RRM1: variants seen among roughly 807,000 people sequenced by gnomAD.
RRM1 encodes the protein ribonucleoside-diphosphate reductase large subunit.
Under a neutral mutation model 101.5 loss-of-function variants are expected in RRM1, and 19 were observed. That is an observed-to-expected ratio of 0.19 (90% CI 0.13 to 0.27). RRM1 has a LOEUF of 0.27. Ranked by LOEUF, RRM1 falls within the 10% of genes least tolerant of loss-of-function variation. RRM1 has a pLI of 1.00. For missense variants in RRM1, 500 were observed against 962.9 expected, an observed-to-expected ratio of 0.52 and a Z score of 6.36; for synonymous variants, 298 against 323.4, an observed-to-expected ratio of 0.92 and a Z score of 0.84.
At chr11:4,103,660 G>T (rs190752483) in intron 2 of RRM1, among the ~76,000 whole-genome samples, 1 of 152,236 alleles carries the variant, frequency 6.6e-6, no homozygotes, top group East Asian at 1.9e-4. Context: ...GGGCAACATG[G>T]TGAAACTGCC....
intron 7 of RRM1, among the ~76,000 whole-genome samples, chr11:4,113,636 GCAAACATTATA>G (rs2094568496): frequency 6.6e-6 from 1 of 152,200 alleles, no homozygotes; most frequent in African/African-American, 2.4e-5. Context: ...ATTTCCTTGT[GCAAACATTATA>G]CAGTATACTT....
intron 2 of RRM1, chr11:4,105,808 T>C: frequency 2.1e-6 from 1 of 473,986 alleles, no homozygotes; most frequent in Non-Finnish European, 3.8e-6. Context: ...CAAGCCATTC[T>C]CCCACATTGG....
chr11:4,095,089 C>A lies in RRM1; in HGVS notation c.19+58C>A, dbSNP rs535122599. 1.2e-5 allele frequency: 18 copies of A among 1,539,950 alleles called. No individual in the cohort carries two copies. In the East Asian group the frequency reaches 4.4e-4, roughly 38 times the overall value. Reference sequence around the variant, plus strand: ...GTGAGGGGATGCGGGCTGCCGCCGCCGGAGCTGATGCCCAGACCGCCCGCC... The same window carrying A: ...GTGAGGGGATGCGGGCTGCCGCCGCAGGAGCTGATGCCCAGACCGCCCGCC... On this transcript the variant is annotated intron_variant, in intron 1 of 18. Coordinates refer to ENST00000300738, the MANE Select transcript of RRM1 (RefSeq NM_001033.5).
At chr11:4,098,190 C>G (rs191238435) in intron 1 of RRM1, among the ~76,000 whole-genome samples, 5 of 152,302 alleles carry the variant, frequency 3.3e-5, no homozygotes, top group Admixed American at 1.3e-4. Flanking sequence ...TAAAATGATA[C>G]AAAAGTTTAC....
At position 4,132,770 on chromosome 11, in the gene RRM1, G is replaced by A. The variant is rs577737450; in HGVS notation, c.1905+349G>A. 2.6e-5 allele frequency among the ~76,000 whole-genome samples: 4 copies of A among 152,254 alleles called. No homozygotes were observed. The highest frequency in any genetic ancestry group is 9.6e-5 in the African/African-American group (4 of 41,556). On this transcript the variant is annotated intron_variant, in intron 16 of 18. Coordinates refer to ENST00000300738, the MANE Select transcript of RRM1 (RefSeq NM_001033.5). This position sits in a 1 kb window ranked among gnomAD's most constrained non-coding sequence, Gnocchi z 4.1. The stretch of plus-strand genomic sequence containing the variant: ...AATGTATAAAGAAGTATCATTTAAG[G>A]CAGTGGTTCTCAGACTTGGTTACCA...
intron 15 of RRM1, among the ~76,000 whole-genome samples, chr11:4,131,744 A>G (rs2094600888): frequency 1.3e-5 from 2 of 152,340 alleles, no homozygotes; most frequent in South Asian, 4.1e-4. Context: ...TAATTGAAGA[A>G]TATACTTTGA....
In RRM1 at chr11:4,119,838, C is replaced by G. The variant is rs1462250403; in HGVS notation, c.793-7C>G. On this transcript the variant is annotated splice_polypyrimidine_tract_variant and splice_region_variant and intron_variant, in intron 8 of 18. Transcript: ENST00000300738. ...CTCTGTCATTTCTATCATGGTCTCT[C>G]TTTTAGACTAATGGCAATTCCAATG... 6.4e-7 allele frequency: 1 copy of G among 1,573,584 alleles called. No individual in the cohort carries two copies. Among genetic ancestry groups the G allele is most frequent in the African/African-American group, 1.3e-5 (1 of 74,280 alleles).
At chr11:4,115,486 A>G (rs944570370) in intron 7 of RRM1, among the ~76,000 whole-genome samples, 6 of 151,858 alleles carry the variant, frequency 4.0e-5, no homozygotes, top group Non-Finnish European at 7.4e-5. Flanking sequence ...TTCTCCCTCA[A>G]AACCTCTGGA....
At position 4,132,634 on chromosome 11, in the gene RRM1, G is replaced by T. The variant is rs1476080143; in HGVS notation, c.1905+213G>T. On this transcript the variant is annotated intron_variant, in intron 16 of 18. Transcript: ENST00000300738. This position sits in a 1 kb window ranked among gnomAD's most constrained non-coding sequence, Gnocchi z 4.1. Reference sequence around the variant, plus strand: ...ATCTGTTGAAAGAATGAGTGAATGAGGGTCGAGTATGAAAGTAAGTTGTTG... The same window carrying T: ...ATCTGTTGAAAGAATGAGTGAATGATGGTCGAGTATGAAAGTAAGTTGTTG... Among the ~76,000 whole-genome samples, 1 of 152,202 alleles carries T rather than the reference G, an allele frequency of 6.6e-6. No homozygotes were observed. Among genetic ancestry groups the T allele is most frequent in the Non-Finnish European group, 1.5e-5 (1 of 68,042 alleles).
intron 2 of RRM1, among the ~76,000 whole-genome samples, chr11:4,103,936 C>T (rs2094555064): frequency 8.4e-6 from 1 of 119,566 alleles, no homozygotes; most frequent in Non-Finnish European, 1.7e-5. Context: ...TGCCCTCAAC[C>T]CTGTTTCTAC....
At chr11:4,127,769 T>A (rs1240260468) in intron 14 of RRM1, among the ~76,000 whole-genome samples, 1 of 152,204 alleles carries the variant, frequency 6.6e-6, no homozygotes, top group African/African-American at 2.4e-5. Context: ...GATACTCTGT[T>A]TTAATCTCTT....
At chr11:4,118,582 C>T (rs1417870000) in intron 8 of RRM1, 121 bp downstream of exon 8, 3 of 943,834 alleles carry the variant, frequency 3.2e-6, no homozygotes, top group African/African-American at 1.6e-5. Flanking sequence ...TACTAAATGG[C>T]TATGTGACTT....
At position 4,138,366 on chromosome 11, in the gene RRM1, C is replaced by A. The variant is rs753197422; in HGVS notation, c.2362C>A (p.Leu788Met). 6.2e-7 allele frequency: 1 copy of A among 1,605,624 alleles called. No homozygotes were observed. The highest frequency in any genetic ancestry group is 8.5e-7 in the Non-Finnish European group (1 of 1,176,640). The change falls in exon 19 of 19, where the codon CTG (leucine) becomes ATG (methionine). Residue 788 changes from leucine (L) to methionine (M), a missense_variant. Transcript: ENST00000300738. ...VCSLENRDEC[L>M]MCGS ...CTCTTTGGAGAATAGAGATGAATGTCTGATGTGTGGATCCTGAGGAAAGAC... is the reference window on the plus strand; with the variant it reads ...CTCTTTGGAGAATAGAGATGAATGTATGATGTGTGGATCCTGAGGAAAGAC...
At chr11:4,124,159 C>T (rs147374001) in intron 12 of RRM1, among the ~76,000 whole-genome samples, 23 of 152,186 alleles carry the variant, frequency 1.5e-4, no homozygotes, top group Non-Finnish European at 3.1e-4. Flanking sequence ...TGACACGTCA[C>T]GGATAGGTAG....
intron 11 of RRM1, among the ~76,000 whole-genome samples, chr11:4,122,840 T>G (rs557623026): frequency 6.6e-6 from 1 of 150,436 alleles, no homozygotes; most frequent in East Asian, 1.9e-4. Context: ...GCCACTGCAC[T>G]CCAGCCTGGG....
chr11:4,123,279 G>T lies in RRM1; in HGVS notation c.1215G>T (p.Met405Ile). ...AGACGGAAACAGGCACCCCGTATAT[G>T]CTCTACAAAGATTCCTGTAATCGAA... Reference protein sequence around the residue: ...ESQTETGTPYMLYKDSCNRKS... With the variant: ...ESQTETGTPYILYKDSCNRKS... The change falls in exon 12 of 19, where the codon ATG becomes ATT. Residue 405 changes from methionine (M) to isoleucine (I), a missense_variant. Met to Ile is a conservative substitution (Grantham distance 10, BLOSUM62 1). Around this residue, in one of 9 missense-constraint regions of RRM1, gnomAD observed 80 missense variants for 170.9 expected, o/e 0.47. Transcript: ENST00000300738. The T allele has an allele frequency of 6.2e-7, 1 of 1,614,094 alleles. No homozygotes were observed. Among genetic ancestry groups the T allele is most frequent in the Non-Finnish European group, 8.5e-7 (1 of 1,180,010 alleles).
At position 4,108,514 on chromosome 11, in the gene RRM1, C is replaced by T. The variant is rs1226185503; in HGVS notation, c.387+979C>T. Among the ~76,000 whole-genome samples the T allele has an allele frequency of 2.9e-5, 4 of 140,168 alleles. No individual in the cohort carries two copies. The South Asian group carries it at 9.0e-4, about 32-fold the overall frequency. 92.0% of individuals were successfully genotyped at this position (140,168 alleles called of 152,430 possible). ...TCAGGAGGCTGAGGCTAGAGAATGG[C>T]GTGAACCCGGGAGGCGGAGCTTGCA... is the stretch of plus-strand genomic sequence containing the variant. On this transcript the variant is annotated intron_variant, in intron 4 of 18. Transcript: ENST00000300738.
intron 18 of RRM1, among the ~76,000 whole-genome samples, chr11:4,135,835 T>A (rs1448626901): frequency 1.3e-5 from 2 of 151,630 alleles, no homozygotes; most frequent in African/African-American, 4.9e-5. Flanking sequence ...GGTATTTAAG[T>A]AGAATTATAA....
At chr11:4,109,756 A>G in intron 5 of RRM1, 53 bp downstream of exon 5, 1 of 1,439,718 alleles carries the variant, frequency 6.9e-7, no homozygotes, top group Non-Finnish European at 9.6e-7. Flanking sequence ...CATGAAATAA[A>G]GGATTTTGTT....
Sources: gnomAD v4.1 joint callset for allele counts (sites outside exome capture counted in the v4.1 genomes callset) on GRCh38, gnomAD v4.1.1 for gene constraint, gnomAD v4.1.1 regional missense constraint, Gnocchi (gnomAD v3.1) non-coding constraint, MANE v1.5 for transcripts, NCBI Gene and HGNC (gene_info 2026-07-23, HGNC 2026-07-21) for gene names.